The following CSNK1G2 variants were observed in gnomAD, a reference collection of about 807,000 sequenced individuals.
CSNK1G2 encodes the protein casein kinase I isoform gamma-2.
Under a neutral mutation model 48.0 loss-of-function variants are expected in CSNK1G2, and 11 were observed. That is an observed-to-expected ratio of 0.23 (90% CI 0.14 to 0.38). CSNK1G2 has a LOEUF of 0.38. CSNK1G2 is among the 10% of genes least tolerant of loss of function. CSNK1G2 has a pLI of 1.00. For missense variants in CSNK1G2, 446 were observed against 595.5 expected (o/e 0.75, Z 2.61); for synonymous variants, 337 against 254.1 (o/e 1.33, Z -3.10).
Position 1,978,616 on chromosome 19 carries a change from G to A in CSNK1G2, c.313G>A (p.Val105Ile). 6.2e-7 allele frequency: 1 copy of A among 1,600,136 alleles called. No individual in the cohort carries two copies. The highest frequency in any genetic ancestry group is 8.5e-7 in the Non-Finnish European group (1 of 1,173,938). ...QLSATEGVPQ[V>I]YYFGPCGKYN... ...CTCCGCCGCAGAGGGCGTCCCTCAG[G>A]TCTACTACTTCGGTCCGTGCGGGAA... The change falls in exon 5 of 12, where the codon GTC becomes ATC. Residue 105 changes from valine to isoleucine, a missense_variant. This residue lies in a region of CSNK1G2 where 258 missense variants were observed against 415.9 expected (regional missense o/e 0.62). Transcript: ENST00000255641. The surrounding 1 kb of genome is among the most constrained non-coding windows in gnomAD (Gnocchi z 7.3).
At chr19:1,967,706 C>T (rs2015411282) in intron 1 of CSNK1G2, among the ~76,000 whole-genome samples, 1 of 119,936 alleles carries the variant, frequency 8.3e-6, no homozygotes, top group African/African-American at 3.9e-5. Flanking sequence ...CCCCACCACC[C>T]TTCAGTTCTG....
At chr19:1,944,728 C>T (rs1278895569) in intron 1 of CSNK1G2, among the ~76,000 whole-genome samples, 2 of 151,924 alleles carry the variant, frequency 1.3e-5, no homozygotes, top group Admixed American at 1.3e-4. Flanking sequence ...GCTACCTCAG[C>T]GAGGGCTCAA....
intron 1 of CSNK1G2, among the ~76,000 whole-genome samples, chr19:1,951,188 T>A (rs2014749543): frequency 6.9e-6 from 1 of 144,554 alleles, no homozygotes; most frequent in South Asian, 2.2e-4. Context: ...GATCACGAGG[T>A]CAGGAGATTG....
chr19:1,961,723 C>CA (rs1477244221), intron 1 of CSNK1G2, among the ~76,000 whole-genome samples: 3 of 152,250 alleles, frequency 2.0e-5, no homozygotes, highest in Non-Finnish European at 4.4e-5. Flanking sequence ...ATTCCTCCCC[C>CA]AAAACGCCCA....
chr19:1,973,672 C>T (rs1444220185), intron 2 of CSNK1G2, among the ~76,000 whole-genome samples: 1 of 152,208 alleles, frequency 6.6e-6, no homozygotes, highest in African/African-American at 2.4e-5. Context: ...TTTTCTGCAG[C>T]CTCCAACCCC....
At chr19:1,942,779 A>G (rs1054514677) in intron 1 of CSNK1G2, among the ~76,000 whole-genome samples, 1 of 152,154 alleles carries the variant, frequency 6.6e-6, no homozygotes, top group African/African-American at 2.4e-5. Context: ...TGCAGAGGAA[A>G]GACTGTGTGC....
At chr19:1,942,328 G>C (rs1449328681) in intron 1 of CSNK1G2, 3 of 152,450 alleles carry the variant, frequency 2.0e-5, no homozygotes, top group South Asian at 4.1e-4. Flanking sequence ...GAGGACATTC[G>C]GGGACTGTTG....
rs1370737497 is a variant in CSNK1G2 at position 1,957,911 on chromosome 19, C to T, written c.-265-11597C>T. Among the ~76,000 whole-genome samples, 2 of 152,044 alleles carry T rather than the reference C, an allele frequency of 1.3e-5. No homozygotes were observed. Among genetic ancestry groups the T allele is most frequent in the Admixed American group, 1.3e-4 (2 of 15,280 alleles). On this transcript the variant is annotated intron_variant, in intron 1 of 11. Transcript: ENST00000255641. This position sits in a 1 kb window ranked among gnomAD's most constrained non-coding sequence, Gnocchi z 5.4. ...GTGGCACGGCCACTGCTTAGGGCCC[C>T]CTGGAGCTGCGGGGCACACGGCAGA...
intron 1 of CSNK1G2, among the ~76,000 whole-genome samples, chr19:1,952,299 G>A (rs145605252): frequency 0.013 from 1,954 of 152,248 alleles, 13 homozygotes; most frequent in Middle Eastern, 0.027. Context: ...GAGTGGCGGA[G>A]GGCGGGATGC....
chr19:1,980,327 A>G lies in CSNK1G2; in HGVS notation c.*124A>G. 1 of 1,228,054 alleles carries G rather than the reference A, an allele frequency of 8.1e-7. No homozygotes were observed. The highest frequency in any genetic ancestry group is 1.2e-6 in the Non-Finnish European group (1 of 847,238). The allele number at this position is 1,228,054 out of a possible 1,614,324, so 76.1% of individuals were successfully genotyped here. ...AGACCCTGGCTGGAAGCCAGAACGC[A>G]GACTGCAGGGGCCGCGCCTGGCTCA... On this transcript the variant is annotated 3_prime_UTR_variant, in exon 12 of 12. Transcript: ENST00000255641.
intron 1 of CSNK1G2, among the ~76,000 whole-genome samples, chr19:1,949,661 C>T (rs1000471329): frequency 6.6e-6 from 1 of 152,278 alleles, no homozygotes; most frequent in Non-Finnish European, 1.5e-5. Flanking sequence ...CACAGGGCCA[C>T]TCCCGGTTGG....
chr19:1,946,289 T>TATTTA (rs56098852), intron 1 of CSNK1G2, among the ~76,000 whole-genome samples: 1 of 143,806 alleles, frequency 7.0e-6, no homozygotes, highest in East Asian at 2.0e-4. Flanking sequence ...TTTATTTATT[T>TATTTA]TTTATTTATT....
At chr19:1,956,050 C>T (rs186763110) in intron 1 of CSNK1G2, among the ~76,000 whole-genome samples, 1 of 152,198 alleles carries the variant, frequency 6.6e-6, no homozygotes, top group African/African-American at 2.4e-5. Flanking sequence ...GCGTTGGGTC[C>T]CTGAGTGCAG....
At chr19:1,967,440 C>A (rs1407100153) in intron 1 of CSNK1G2, among the ~76,000 whole-genome samples, 1 of 152,166 alleles carries the variant, frequency 6.6e-6, no homozygotes, top group Non-Finnish European at 1.5e-5. Context: ...GGGCTTCTGT[C>A]TGTCTGGAGC....
At chr19:1,954,326 G>A (rs751665408) in intron 1 of CSNK1G2, 2 of 206,032 alleles carry the variant, frequency 9.7e-6, no homozygotes, top group Admixed American at 5.2e-5. Flanking sequence ...CTGGGGCGCT[G>A]CAACCCCTCA....
intron 1 of CSNK1G2, among the ~76,000 whole-genome samples, chr19:1,944,102 G>A (rs1394677095): frequency 6.6e-6 from 1 of 152,116 alleles, no homozygotes; most frequent in Non-Finnish European, 1.5e-5. Context: ...TGTGGGCTTC[G>A]TCCTCAGGTC....
At chr19:1,949,113 A>C (rs1333256023) in intron 1 of CSNK1G2, among the ~76,000 whole-genome samples, 4 of 152,094 alleles carry the variant, frequency 2.6e-5, no homozygotes, top group African/African-American at 9.7e-5. Context: ...TCCACGTCAG[A>C]GTGGACCTGT....
chr19:1,948,493 A>AG lies in CSNK1G2; in HGVS notation c.-266+7075_-266+7076insG, dbSNP rs1172291547. 5.6e-5 allele frequency among the ~76,000 whole-genome samples: 7 copies of AG among 125,460 alleles called. No homozygotes were observed. The East Asian group carries it at 1.9e-3, about 33-fold the overall frequency. 82.3% of individuals were successfully genotyped at this position (125,460 alleles called of 152,430 possible). A position where few individuals can be genotyped will look rare whatever the true frequency, so the allele number is the denominator to read the frequency against. ...AGCTGAGACCGCGCCATTGCACTCC[A>AG]TGTGGGCGACAGAGTGAGACTCCGT... On this transcript the variant is annotated intron_variant, in intron 1 of 11. Coordinates refer to ENST00000255641, the MANE Select transcript of CSNK1G2 (RefSeq NM_001319.7).
intron 1 of CSNK1G2, among the ~76,000 whole-genome samples, chr19:1,962,405 G>A (rs542943306): frequency 3.1e-4 from 47 of 152,040 alleles, no homozygotes; most frequent in African/African-American, 6.0e-4. Context: ...CACAGCTCAC[G>A]CCTATAATCC....
Sources: gnomAD v4.1 joint callset for allele counts (sites outside exome capture counted in the v4.1 genomes callset) on GRCh38, gnomAD v4.1.1 for gene constraint, gnomAD v4.1.1 regional missense constraint, Gnocchi (gnomAD v3.1) non-coding constraint, MANE v1.5 for transcripts, NCBI Gene and HGNC (gene_info 2026-07-23, HGNC 2026-07-21) for gene names.